The following SBF2 variants were observed in gnomAD, a reference collection of about 807,000 sequenced individuals.
The protein encoded by SBF2 is SET binding factor 2.
SBF2 carries 112 observed loss-of-function variants against 225.2 expected under a neutral mutation model. That is an observed-to-expected ratio of 0.50 (90% CI 0.43 to 0.58). The LOEUF (loss-of-function observed/expected upper bound fraction) is 0.58, where lower values mean the gene tolerates loss of function less well. Among genes scored for constraint, SBF2 ranks in the 20% least tolerant of loss-of-function variants. The probability of loss-of-function intolerance (pLI) is 0.00; values close to 1 mark genes in which losing one functional copy is unlikely to be tolerated. For synonymous variants in SBF2, 763 were observed against 773.3 expected, an observed-to-expected ratio of 0.99 and a Z score of 0.22; for missense variants, 1,996 against 2,206.2, an observed-to-expected ratio of 0.90 and a Z score of 1.91.
intron 1 of SBF2, among the ~76,000 whole-genome samples, chr11:10,276,369 C>T (rs1192277134): frequency 6.6e-6 from 1 of 152,104 alleles, no homozygotes; most frequent in Non-Finnish European, 1.5e-5. Context: ...AGAAGAAACA[C>T]AATGTAAAGT....
At chr11:10,081,568 G>A (rs1468647643) in intron 2 of SBF2, among the ~76,000 whole-genome samples, 1 of 151,972 alleles carries the variant, frequency 6.6e-6, no homozygotes, top group Non-Finnish European at 1.5e-5. Flanking sequence ...AGACCATCCT[G>A]GCTAACATGG....
At chr11:9,956,319 A>C (rs2134341940) in intron 16 of SBF2, among the ~76,000 whole-genome samples, 1 of 152,352 alleles carries the variant, frequency 6.6e-6, no homozygotes, top group East Asian at 1.9e-4. Flanking sequence ...CAGCTTTATA[A>C]GATAATGACC....
At chr11:9,975,209 T>C (rs1033475790) in intron 13 of SBF2, among the ~76,000 whole-genome samples, 2 of 152,132 alleles carry the variant, frequency 1.3e-5, no homozygotes, top group African/African-American at 4.8e-5. Context: ...CAAAAACTTA[T>C]GCAAATGTTT....
intron 1 of SBF2, among the ~76,000 whole-genome samples, chr11:10,283,683 A>C (rs1310133721): frequency 6.6e-6 from 1 of 152,194 alleles, no homozygotes; most frequent in African/African-American, 2.4e-5. Flanking sequence ...ATTTTTCTGG[A>C]CAAATCTCAG....
chr11:10,080,535 T>C (rs1354732961), intron 2 of SBF2, among the ~76,000 whole-genome samples: 1 of 147,730 alleles, frequency 6.8e-6, no homozygotes, highest in Non-Finnish European at 1.5e-5. Flanking sequence ...CTACTAAACC[T>C]AAAAAGACAG....
In SBF2 at chr11:9,853,736, C is replaced by A. The variant is rs376923088; in HGVS notation, c.2364-24G>T. ...TACTAAGACAGTCAAGGAAAGAAAT[C>A]ATGGTCAGTACTTAAATGCAACAAA... On this transcript the variant is annotated intron_variant, in intron 19 of 39. Transcript: ENST00000256190. 3.8e-5 allele frequency: 61 copies of A among 1,609,778 alleles called. No individual in the cohort carries two copies. In the African/African-American group the frequency reaches 8.2e-4, roughly 22 times the overall value.
At chr11:10,179,729 G>C (rs1274389367) in intron 2 of SBF2, among the ~76,000 whole-genome samples, 3 of 152,074 alleles carry the variant, frequency 2.0e-5, no homozygotes, top group Non-Finnish European at 4.4e-5. Context: ...ACTTACTCCT[G>C]CCATTTTGTT....
At position 9,787,629 on chromosome 11, in the gene SBF2, C is replaced by G; in HGVS notation, c.5037+5G>C. On this transcript the variant is annotated splice_donor_5th_base_variant and intron_variant, in intron 36 of 39. Coordinates refer to ENST00000256190, the MANE Select transcript of SBF2 (RefSeq NM_030962.4). ...AGTGGCTCTCAAGGGGCATTGCCAA[C>G]TCACGCGATCTGTTCTTGGTTCTTC... 1 of 1,613,590 alleles carries G rather than the reference C, an allele frequency of 6.2e-7. No individual in the cohort carries two copies. The highest frequency in any genetic ancestry group is 8.5e-7 in the Non-Finnish European group (1 of 1,179,474).
chr11:10,232,634 G>T (rs1958906513), intron 1 of SBF2, among the ~76,000 whole-genome samples: 1 of 150,096 alleles, frequency 6.7e-6, no homozygotes, highest in African/African-American at 2.5e-5. Flanking sequence ...TGAGATCATA[G>T]CTCACTGCAG....
chr11:10,211,389 G>A (rs1197316478), intron 1 of SBF2, among the ~76,000 whole-genome samples: 1 of 152,156 alleles, frequency 6.6e-6, no homozygotes, highest in African/African-American at 2.4e-5. Flanking sequence ...AGACCCACCA[G>A]TTACTGTACT....
chr11:10,009,478 C>G lies in SBF2; in HGVS notation c.620-6789G>C, dbSNP rs1948348165. ...CCTGTGTCCATGTGTTCTCATTGTT[C>G]AACTCCCACTTATGAGTGAGAACAT... On this transcript the variant is annotated intron_variant, in intron 6 of 39. Coordinates refer to ENST00000256190, the MANE Select transcript of SBF2 (RefSeq NM_030962.4). Among the ~76,000 whole-genome samples, 6 of 151,578 alleles carry G rather than the reference C, an allele frequency of 4.0e-5. No individual in the cohort carries two copies. In the South Asian group the frequency reaches 1.3e-3, roughly 32 times the overall value.
intron 21 of SBF2, 67 bp downstream of exon 21, chr11:9,852,609 C>A: frequency 8.8e-7 from 1 of 1,137,310 alleles, no homozygotes; most frequent in Non-Finnish European, 1.3e-6. Flanking sequence ...TTTCCTGGCA[C>A]ACAGCAGTCT....
intron 2 of SBF2, among the ~76,000 whole-genome samples, chr11:10,108,746 G>C (rs926979586): frequency 6.6e-6 from 1 of 151,262 alleles, no homozygotes; most frequent in African/African-American, 2.4e-5. Context: ...GGATGGTCTC[G>C]ATCTCCTGAC....
chr11:9,849,092 C>A (rs190278082), intron 22 of SBF2, among the ~76,000 whole-genome samples: 12 of 152,264 alleles, frequency 7.9e-5, no homozygotes, highest in African/African-American at 2.9e-4. Context: ...ACTTGTGGGG[C>A]TAAAGAAATA....
At chr11:10,255,349 T>A (rs1197341902) in intron 1 of SBF2, among the ~76,000 whole-genome samples, 1 of 152,180 alleles carries the variant, frequency 6.6e-6, no homozygotes, top group Non-Finnish European at 1.5e-5. Flanking sequence ...TAAACACACA[T>A]AAATTTTATT....
rs374673632 is a variant in SBF2 at position 9,993,957 on chromosome 11, A to G, written c.1017T>C (p.Pro339=). ...PDLEVADHAF[P]PPRTALSHSK... ...AGTGGGATAAAGCTGTTCGTGGAGG[A>G]GGAAAAGCATGATCTGCTACTTCCA... The change falls in exon 10 of 40, where the codon CCT becomes CCC. Residue 339 remains proline, a synonymous_variant. Coordinates refer to ENST00000256190, the MANE Select transcript of SBF2 (RefSeq NM_030962.4). 51 of 1,241,360 alleles carry G rather than the reference A, an allele frequency of 4.1e-5. No homozygotes were observed. The highest frequency in any genetic ancestry group is 6.0e-5 in the Non-Finnish European group (50 of 839,714). 76.9% of individuals were successfully genotyped at this position (1,241,360 alleles called of 1,614,324 possible). A position where few individuals can be genotyped will look rare whatever the true frequency, so the allele number is the denominator to read the frequency against.
chr11:10,159,825 G>A (rs1335837250), intron 2 of SBF2, among the ~76,000 whole-genome samples: 1 of 151,950 alleles, frequency 6.6e-6, no homozygotes, highest in Non-Finnish European at 1.5e-5. Flanking sequence ...GGGAGGCAGA[G>A]CTTACAGTGA....
At chr11:9,843,805 A>T (rs1373308659) in intron 24 of SBF2, 3 of 152,142 alleles carry the variant, frequency 2.0e-5, no homozygotes, top group Non-Finnish European at 4.4e-5. Context: ...TTATTTTTTA[A>T]TTTTTATTAG....
At chr11:10,041,567 T>G (rs909391793) in intron 3 of SBF2, among the ~76,000 whole-genome samples, 1 of 152,202 alleles carries the variant, frequency 6.6e-6, no homozygotes, top group African/African-American at 2.4e-5. Context: ...TTTCAGCACT[T>G]TTCACATTTC....
Sources: gnomAD v4.1 joint callset for allele counts (sites outside exome capture counted in the v4.1 genomes callset) on GRCh38, gnomAD v4.1.1 for gene constraint, MANE v1.5 for transcripts, NCBI Gene and HGNC (gene_info 2026-07-23, HGNC 2026-07-21) for gene names.